LOC128092252: variants seen among roughly 807,000 people sequenced by gnomAD.
chr15:50,683,894 G>C, the LOC128092252 span, among the ~76,000 whole-genome samples: 2 of 151,436 alleles, frequency 1.3e-5, no homozygotes, highest in African/African-American at 4.8e-5. Context: ...TTTTGAGAAA[G>C]ACTCTCACCC....
the LOC128092252 span, chr15:50,648,828 C>T: frequency 6.2e-7 from 1 of 1,612,982 alleles, no homozygotes; most frequent in South Asian, 1.1e-5. Context: ...CTGAGTATTT[C>T]ATGGCAAGAC....
At chr15:50,673,343 C>T in the LOC128092252 span, among the ~76,000 whole-genome samples, 2 of 152,066 alleles carry the variant, frequency 1.3e-5, no homozygotes, top group African/African-American at 4.8e-5. Context: ...TTAGTGGTGA[C>T]TTGTGAGATT....
the LOC128092252 span, among the ~76,000 whole-genome samples, chr15:50,669,374 G>A: frequency 6.6e-6 from 1 of 152,094 alleles, no homozygotes; most frequent in Non-Finnish European, 1.5e-5. Flanking sequence ...GATGGAGGCT[G>A]CAGTGAGCCG....
the LOC128092252 span, among the ~76,000 whole-genome samples, chr15:50,663,616 C>T: frequency 6.6e-6 from 1 of 152,118 alleles, no homozygotes; most frequent in Non-Finnish European, 1.5e-5. Flanking sequence ...TTGAGATTCC[C>T]ACTACGAACC....
At chr15:50,665,395 A>AGG in the LOC128092252 span, among the ~76,000 whole-genome samples, 1 of 69,436 alleles carries the variant, frequency 1.4e-5, no homozygotes, top group Non-Finnish European at 4.3e-5. Context: ...ACTCTGTCTA[A>AGG]AAAAAAAAAA....
the LOC128092252 span, among the ~76,000 whole-genome samples, chr15:50,682,252 C>G: frequency 6.9e-6 from 1 of 145,186 alleles, no homozygotes; most frequent in Non-Finnish European, 1.5e-5. Context: ...CTTCAAAAAA[C>G]TGCTTACCTC....
chr15:50,674,194 G>A, the LOC128092252 span, among the ~76,000 whole-genome samples: 1 of 152,178 alleles, frequency 6.6e-6, no homozygotes, highest in Non-Finnish European at 1.5e-5. Flanking sequence ...TCACCATGTT[G>A]ACCAGGCTGG....
At chr15:50,651,240 GA>G in the LOC128092252 span, among the ~76,000 whole-genome samples, 22,231 of 152,142 alleles carry the variant, frequency 0.15, 2,216 homozygotes, top group Admixed American at 0.28. Flanking sequence ...CAAAGAAGCA[GA>G]AAACTATCAA....
chr15:50,656,735 C>A, the LOC128092252 span, among the ~76,000 whole-genome samples: 1 of 152,080 alleles, frequency 6.6e-6, no homozygotes, highest in Non-Finnish European at 1.5e-5. Flanking sequence ...TAGCCTACCA[C>A]CCAGAGACCT....
At chr15:50,671,563 C>A in the LOC128092252 span, among the ~76,000 whole-genome samples, 1 of 152,140 alleles carries the variant, frequency 6.6e-6, no homozygotes, top group South Asian at 2.1e-4. Context: ...CAGCACCTTG[C>A]CGTGGGAGGA....
chr15:50,680,111 G>A, the LOC128092252 span, among the ~76,000 whole-genome samples: 2 of 152,030 alleles, frequency 1.3e-5, no homozygotes, highest in African/African-American at 4.8e-5. Flanking sequence ...GCGGGTGCCT[G>A]TAATCCTAGC....
the LOC128092252 span, among the ~76,000 whole-genome samples, chr15:50,670,157 C>A: frequency 6.6e-6 from 1 of 152,092 alleles, no homozygotes; most frequent in African/African-American, 2.4e-5. Flanking sequence ...AATATCATCA[C>A]CCCATTCAGC....
the LOC128092252 span, among the ~76,000 whole-genome samples, chr15:50,653,427 G>C: frequency 6.6e-6 from 1 of 152,212 alleles, no homozygotes; most frequent in Non-Finnish European, 1.5e-5. Flanking sequence ...TACATGCTAA[G>C]TCTTGTGATT....
chr15:50,661,591 T>C, the LOC128092252 span, among the ~76,000 whole-genome samples: 1 of 152,168 alleles, frequency 6.6e-6, no homozygotes, highest in African/African-American at 2.4e-5. Context: ...GGAAATGCTA[T>C]TCAACAAATA....
chr15:50,652,286 T>TCATG, the LOC128092252 span, among the ~76,000 whole-genome samples: 1 of 117,880 alleles, frequency 8.5e-6, no homozygotes, highest in African/African-American at 3.4e-5. Context: ...TGAGCCAAGA[T>TCATG]CATGCCACTG....
chr15:50,659,980 T>C, the LOC128092252 span, among the ~76,000 whole-genome samples: 1 of 152,256 alleles, frequency 6.6e-6, no homozygotes, highest in South Asian at 2.1e-4. Context: ...AATCTATTTT[T>C]TTAATAAAGC....
At chr15:50,677,753 A>C in the LOC128092252 span, among the ~76,000 whole-genome samples, 5 of 150,158 alleles carry the variant, frequency 3.3e-5, no homozygotes, top group African/African-American at 9.8e-5. Flanking sequence ...AAAAAAAAAA[A>C]AAAAAAACAA....
the LOC128092252 span, among the ~76,000 whole-genome samples, chr15:50,667,069 AG>A: frequency 3.0e-4 from 45 of 152,250 alleles, no homozygotes; most frequent in East Asian, 7.9e-3. Flanking sequence ...CAAACCATAA[AG>A]GGATGATACT....
the LOC128092252 span, among the ~76,000 whole-genome samples, chr15:50,653,644 GA>G: frequency 2.0e-5 from 3 of 152,260 alleles, no homozygotes; most frequent in East Asian, 3.9e-4. Context: ...CACCTAGGCA[GA>G]AAACAGTAGA....
Sources: allele counts gnomAD v4.1 joint callset (sites outside exome capture counted in the v4.1 genomes callset), GRCh38; gene constraint gnomAD v4.1.1; transcripts MANE v1.5.